The following KLF8 variants were observed in gnomAD, a reference collection of about 807,000 sequenced individuals.
The protein encoded by KLF8 is KLF transcription factor 8, also known as Krueppel-like factor 8.
In KLF8, 10 loss-of-function variants were observed where a neutral mutation model predicts 18.2. The observed-to-expected ratio is 0.55, with a 90% confidence interval of 0.34 to 0.93. The LOEUF is 0.93. Ranked by LOEUF, KLF8 falls within the 40% of genes least tolerant of loss-of-function variation. The pLI is 0.02. For synonymous variants in KLF8, 109 were observed against 97.3 expected, an observed-to-expected ratio of 1.12 and a Z score of -0.71; for missense variants, 264 against 277.9, an observed-to-expected ratio of 0.95 and a Z score of 0.36.
At chrX:56,027,499 G>A in the KLF8 span, among the ~76,000 whole-genome samples, 40 of 112,274 alleles carry the variant, frequency 3.6e-4, no homozygotes, top group Admixed American at 3.4e-3. Context: ...AAGGCATATC[G>A]AGAGTCAGTA....
At chrX:56,133,574 A>G in the KLF8 span, among the ~76,000 whole-genome samples, 2 of 111,770 alleles carry the variant, frequency 1.8e-5, no homozygotes, top group African/African-American at 6.5e-5. Flanking sequence ...CAAGGGGAAA[A>G]GTTGAAAGCA....
chrX:56,007,287 G>T, the KLF8 span, among the ~76,000 whole-genome samples: 2 of 111,216 alleles, frequency 1.8e-5, no homozygotes, highest in Non-Finnish European at 3.8e-5. Flanking sequence ...CCCAGAGCAG[G>T]ATGTAGTCTG....
rs1440037480 is a variant in KLF8 at position 56,270,382 on chromosome X, GAGAGAGAGAGAGAGAGAGGGGC to G, written c.898+99_898+120del. The stretch of plus-strand genomic sequence containing the variant: ...CACACACACACACACACACACACAC[GAGAGAGAGAGAGAGAGAGGGGC>G]AGAGAGAGAGAGAGAGAGGGGCAGA... On this transcript the variant is annotated intron_variant, in intron 5 of 5. Transcript: ENST00000468660. 6.6e-5 allele frequency: 16 copies of G among 242,317 alleles called. No homozygotes were observed. In the South Asian group the frequency reaches 1.1e-3, roughly 17 times the overall value. 20.0% of individuals were successfully genotyped at this position (242,317 alleles called of 1,213,427 possible).
chrX:56,243,226 A>T (rs2066571889), intron 1 of KLF8: 1 of 459,481 alleles, frequency 2.2e-6, no homozygotes, highest in African/African-American at 2.4e-5. Flanking sequence ...TCCTCCGAGG[A>T]TATTTGGGCT....
chrX:56,088,853 C>A, the KLF8 span, among the ~76,000 whole-genome samples: 7 of 111,417 alleles, frequency 6.3e-5, no homozygotes, highest in Non-Finnish European at 1.3e-4. Context: ...AACAGCCTCA[C>A]TATGATTTCT....
the KLF8 span, among the ~76,000 whole-genome samples, chrX:56,070,452 T>A: frequency 2.8e-5 from 3 of 108,831 alleles, no homozygotes; most frequent in Admixed American, 9.8e-5. Flanking sequence ...GAGAGTGTGG[T>A]ACATATAAAC....
chrX:56,049,968 A>G, the KLF8 span, among the ~76,000 whole-genome samples: 1 of 110,786 alleles, frequency 9.0e-6, no homozygotes, highest in Non-Finnish European at 1.9e-5. Flanking sequence ...CTATTCAGAG[A>G]TTCAACTTCT....
the KLF8 span, among the ~76,000 whole-genome samples, chrX:56,125,149 C>A: frequency 2.4e-4 from 27 of 111,976 alleles, no homozygotes; most frequent in Admixed American, 2.6e-3. Context: ...GGTGGTGGTA[C>A]TTTTAAATTA....
chrX:56,184,052 G>A, the KLF8 span, among the ~76,000 whole-genome samples: 1 of 112,398 alleles, frequency 8.9e-6, no homozygotes, highest in Non-Finnish European at 1.9e-5. Flanking sequence ...CCATGCACGA[G>A]TCGAAGCAGA....
At chrX:56,075,155 T>C in the KLF8 span, among the ~76,000 whole-genome samples, 1 of 110,838 alleles carries the variant, frequency 9.0e-6, no homozygotes, top group Admixed American at 9.6e-5. Context: ...AAGTCTTTCA[T>C]TTCTTTTGTT....
At chrX:56,000,822 T>G in the KLF8 span, among the ~76,000 whole-genome samples, 1 of 111,774 alleles carries the variant, frequency 8.9e-6, no homozygotes, top group African/African-American at 3.3e-5. Flanking sequence ...TATTGTTCTA[T>G]CTCAATTGAC....
At chrX:56,225,307 C>T in the KLF8 span, among the ~76,000 whole-genome samples, 7 of 111,634 alleles carry the variant, frequency 6.3e-5, no homozygotes, top group East Asian at 1.1e-3. Context: ...CTCACCCTTG[C>T]ACTTGTTTAC....
the KLF8 span, among the ~76,000 whole-genome samples, chrX:55,975,340 G>A: frequency 1.8e-5 from 2 of 111,330 alleles, no homozygotes; most frequent in Non-Finnish European, 3.8e-5. Context: ...GGGAAGAGTA[G>A]GAGAGGAATT....
chrX:56,214,780 G>T, the KLF8 span, among the ~76,000 whole-genome samples: 1 of 112,187 alleles, frequency 8.9e-6, no homozygotes, highest in East Asian at 2.8e-4. Context: ...CAAGGGAAAA[G>T]ACCAAAACAC....
At chrX:56,096,768 T>A in the KLF8 span, among the ~76,000 whole-genome samples, 1 of 111,045 alleles carries the variant, frequency 9.0e-6, no homozygotes, top group Non-Finnish European at 1.9e-5. Flanking sequence ...GACAGGCTAA[T>A]CTAAAAATGG....
chrX:56,116,562 T>C, the KLF8 span, among the ~76,000 whole-genome samples: 2 of 106,393 alleles, frequency 1.9e-5, no homozygotes, highest in African/African-American at 6.9e-5. Context: ...TGGGATTTTT[T>C]CCCCCAGCTT....
the KLF8 span, among the ~76,000 whole-genome samples, chrX:56,012,771 T>C: frequency 9.0e-6 from 1 of 111,195 alleles, no homozygotes; most frequent in South Asian, 3.8e-4. Context: ...ATCATGAAAA[T>C]GGCCATACTG....
At chrX:56,135,388 C>T in the KLF8 span, among the ~76,000 whole-genome samples, 2 of 110,960 alleles carry the variant, frequency 1.8e-5, no homozygotes, top group African/African-American at 6.5e-5. Flanking sequence ...ATGATGAGTT[C>T]ATGTCCTTTG....
At chrX:56,255,088 AT>A (rs1341182225) in intron 2 of KLF8, among the ~76,000 whole-genome samples, 1 of 111,976 alleles carries the variant, frequency 8.9e-6, no homozygotes, top group Non-Finnish European at 1.9e-5. Flanking sequence ...GTCCTCTTCA[AT>A]TTCTTTCTTC....
Sources: allele counts gnomAD v4.1 joint callset (sites outside exome capture counted in the v4.1 genomes callset), GRCh38; gene constraint gnomAD v4.1.1; transcripts MANE v1.5; gene names NCBI Gene and HGNC (gene_info 2026-07-23, HGNC 2026-07-21).